CACNA1E: variants seen among roughly 807,000 people sequenced by gnomAD.
The protein encoded by CACNA1E is calcium voltage-gated channel subunit alpha1 E, also known as voltage-dependent R-type calcium channel subunit alpha-1E.
In CACNA1E, 40 loss-of-function variants were observed where a neutral mutation model predicts 259.2. The observed-to-expected ratio is 0.15, with a 90% CI of 0.12 to 0.20. The LOEUF (loss-of-function observed/expected upper bound fraction) is 0.20, where lower values mean the gene tolerates loss of function less well. Ranked by LOEUF, CACNA1E falls within the 10% of genes least tolerant of loss-of-function variation. The pLI, the probability that CACNA1E is intolerant of heterozygous loss-of-function variation, is 1.00. For missense variants in CACNA1E, 1,874 were observed against 3,040.1 expected (o/e 0.62, Z 9.02); for synonymous variants, 1,104 against 1,138.5 (o/e 0.97, Z 0.61).
At chr1:181,699,612 T>C (rs1391038750) in intron 7 of CACNA1E, among the ~76,000 whole-genome samples, 1 of 152,036 alleles carries the variant, frequency 6.6e-6, no homozygotes, top group African/African-American at 2.4e-5. Context: ...ATGAAGGAAA[T>C]AGGGGGATTG....
intron 3 of CACNA1E, among the ~76,000 whole-genome samples, chr1:181,526,239 T>C (rs1667348214): frequency 6.6e-6 from 1 of 152,088 alleles, no homozygotes; most frequent in Admixed American, 6.6e-5. Flanking sequence ...TAATCACTAC[T>C]AGATGAGGAA....
At chr1:181,493,216 A>T (rs1215269904) in intron 1 of CACNA1E, among the ~76,000 whole-genome samples, 1 of 152,182 alleles carries the variant, frequency 6.6e-6, no homozygotes, top group Non-Finnish European at 1.5e-5. Flanking sequence ...AATTCCCACA[A>T]TTTGGGATGT....
At chr1:181,646,351 G>A (rs1194206265) in intron 6 of CACNA1E, among the ~76,000 whole-genome samples, 1 of 152,202 alleles carries the variant, frequency 6.6e-6, no homozygotes, top group Non-Finnish European at 1.5e-5. Context: ...CCACCAAACA[G>A]AACTGTCTCT....
chr1:181,627,739 A>G (rs1656329834), intron 6 of CACNA1E, among the ~76,000 whole-genome samples: 1 of 152,224 alleles, frequency 6.6e-6, no homozygotes, highest in East Asian at 1.9e-4. Context: ...TTGTGTCACT[A>G]ACATGCTTAT....
chr1:181,325,060 G>T (rs1650660794), intron 1 of CACNA1E, among the ~76,000 whole-genome samples: 1 of 152,122 alleles, frequency 6.6e-6, no homozygotes, highest in Non-Finnish European at 1.5e-5. Context: ...GGGGCTCTCA[G>T]TCCACTCTGC....
In CACNA1E at chr1:181,805,369, T is replaced by A. The variant is rs1165906554; in HGVS notation, c.*6535T>A. 1 of 152,242 alleles carries A rather than the reference T, an allele frequency of 6.6e-6. No individual in the cohort carries two copies. Among genetic ancestry groups the A allele is most frequent in the African/African-American group, 2.4e-5 (1 of 41,452 alleles). The allele number at this position is 152,242 out of a possible 1,614,324, so 9.4% of individuals were successfully genotyped here. A position where few individuals can be genotyped will look rare whatever the true frequency, so the allele number is the denominator to read the frequency against. ...TTAAAGCAAATCTGTTGAACATTTTTATAAGGGATGAGCAAGAAAAACACA... is the reference window on the plus strand; with the variant it reads ...TTAAAGCAAATCTGTTGAACATTTTAATAAGGGATGAGCAAGAAAAACACA... On this transcript the variant is annotated 3_prime_UTR_variant, in exon 48 of 48. Transcript: ENST00000367573.
intron 6 of CACNA1E, among the ~76,000 whole-genome samples, chr1:181,594,690 A>G (rs977763536): frequency 1.2e-4 from 19 of 152,186 alleles, no homozygotes; most frequent in African/African-American, 4.3e-4. Flanking sequence ...GAGCCACCGC[A>G]CCTGGCTGCA....
chr1:181,510,671 G>A (rs999901294), intron 2 of CACNA1E, 89 bp downstream of exon 2: 1 of 827,470 alleles, frequency 1.2e-6, no homozygotes, highest in African/African-American at 1.7e-5. Flanking sequence ...TTCCCTTCCT[G>A]CCTGTGAGTT....
At chr1:181,598,146 A>G (rs2103051796) in intron 6 of CACNA1E, among the ~76,000 whole-genome samples, 1 of 152,318 alleles carries the variant, frequency 6.6e-6, no homozygotes, top group East Asian at 1.9e-4. Context: ...ACGTGAGAGG[A>G]GATGGATGAA....
At position 181,733,579 on chromosome 1, in the gene CACNA1E, G is replaced by A; in HGVS notation, c.3091G>A (p.Glu1031Lys). The change falls in exon 21 of 48, where the codon GAG becomes AAG. Residue 1031 changes from glutamate to lysine, a missense_variant. By Grantham distance (56) the Glu-to-Lys change is moderately conservative. Coordinates refer to ENST00000367573, the MANE Select transcript of CACNA1E (RefSeq NM_001205293.3). Reference protein sequence around the residue: ...LTEQEPEGSSEQALLGNVQLD... With the variant: ...LTEQEPEGSSKQALLGNVQLD... ...GGAGCAGGAGCCAGAAGGCAGCAGT[G>A]AGCAGGCCCTGCTGGGGAATGTGCA... 1.9e-6 allele frequency: 3 copies of A among 1,613,090 alleles called. No homozygotes were observed. Among genetic ancestry groups the A allele is most frequent in the South Asian group, 1.1e-5 (1 of 90,828 alleles).
chr1:181,720,716 C>G lies in CACNA1E; in HGVS notation c.1884-67C>G, dbSNP rs186959141. 1.1e-5 allele frequency: 10 copies of G among 911,206 alleles called. No homozygotes were observed. The Admixed American group carries it at 1.8e-4, about 16-fold the overall frequency. The allele number at this position is 911,206 out of a possible 1,614,324, so 56.4% of individuals were successfully genotyped here. Reference sequence around the variant, plus strand: ...GAAAAGAAGTGATGAAAGCTGTGATCTTGGGGAATGGAAAACTTGGTATGT... The same window carrying G: ...GAAAAGAAGTGATGAAAGCTGTGATGTTGGGGAATGGAAAACTTGGTATGT... On this transcript the variant is annotated intron_variant, in intron 14 of 47. Coordinates refer to ENST00000367573, the MANE Select transcript of CACNA1E (RefSeq NM_001205293.3).
intron 6 of CACNA1E, among the ~76,000 whole-genome samples, chr1:181,590,566 A>T (rs965607734): frequency 1.3e-5 from 2 of 152,062 alleles, no homozygotes; most frequent in Non-Finnish European, 2.9e-5. Context: ...AGGACCTGGG[A>T]TATCTTCTGA....
chr1:181,664,481 A>G (rs1006395893), intron 7 of CACNA1E, among the ~76,000 whole-genome samples: 13 of 152,208 alleles, frequency 8.5e-5, no homozygotes, highest in African/African-American at 2.9e-4. Flanking sequence ...CTTTATTATT[A>G]GGAAGAAGTA....
intron 2 of CACNA1E, among the ~76,000 whole-genome samples, chr1:181,463,096 C>A (rs1047990220): frequency 8.5e-5 from 13 of 152,236 alleles, no homozygotes; most frequent in Non-Finnish European, 1.3e-4. Context: ...GGGGATAAGA[C>A]CCCCAGTGGA....
chr1:181,800,379 A>C lies in CACNA1E; in HGVS notation c.*1545A>C, dbSNP rs1662184530. The stretch of plus-strand genomic sequence containing the variant: ...TGACAGTCCCACCCTGTCATTCCTA[A>C]TAGCCCAAACGCAGAAGCACTGAGC... On this transcript the variant is annotated 3_prime_UTR_variant, in exon 48 of 48. Coordinates refer to ENST00000367573, the MANE Select transcript of CACNA1E (RefSeq NM_001205293.3). 1 of 152,640 alleles carries C rather than the reference A, an allele frequency of 6.6e-6. No individual in the cohort carries two copies. Among genetic ancestry groups the C allele is most frequent in the South Asian group, 2.1e-4 (1 of 4,832 alleles). The allele number at this position is 152,640 out of a possible 1,614,324, so 9.5% of individuals were successfully genotyped here.
intron 3 of CACNA1E, among the ~76,000 whole-genome samples, chr1:181,517,591 C>G (rs1406131933): frequency 6.6e-6 from 1 of 151,540 alleles, no homozygotes; most frequent in African/African-American, 2.4e-5. Flanking sequence ...GGAGAATGTG[C>G]AGAGCCAAGC....
At chr1:181,587,831 C>A (rs1652231540) in intron 6 of CACNA1E, among the ~76,000 whole-genome samples, 2 of 152,106 alleles carry the variant, frequency 1.3e-5, no homozygotes, top group East Asian at 3.9e-4. Flanking sequence ...TGCAGTGAGC[C>A]GAGATAGCGC....
chr1:181,352,203 G>T (rs773955216), intron 1 of CACNA1E, among the ~76,000 whole-genome samples: 24 of 152,184 alleles, frequency 1.6e-4, no homozygotes, highest in Non-Finnish European at 2.5e-4. Context: ...GGGATGAGAA[G>T]TTTGGGGTGG....
rs963141863 is a variant in CACNA1E, at chr1:181,781,431, C to T, written c.5272C>T (p.Arg1758Cys). Residue 1758 changes from arginine to cysteine, a missense_variant, in exon 39 of 48, where the codon CGC becomes TGC. By Grantham distance (180) the Arg-to-Cys change is radical (BLOSUM62 -3). This residue lies in a region of CACNA1E where 147 missense variants were observed against 337.1 expected (regional missense o/e 0.44). Transcript: ENST00000367573. Reference sequence around the variant, plus strand: ...CTCACCACCCTCCATGAGCAGTGGCCGCATCCATTACACTGAGATGTATGA... The same window carrying T: ...CTCACCACCCTCCATGAGCAGTGGCTGCATCCATTACACTGAGATGTATGA... ...WAEYDRAACG[R>C]IHYTEMYEML... 12 of 1,561,920 alleles carry T rather than the reference C, an allele frequency of 7.7e-6. No individual in the cohort carries two copies. The highest frequency in any genetic ancestry group is 4.1e-5 in the African/African-American group (3 of 73,834).
Sources: gnomAD v4.1 joint callset for allele counts (sites outside exome capture counted in the v4.1 genomes callset) on GRCh38, gnomAD v4.1.1 for gene constraint, gnomAD v4.1.1 regional missense constraint, MANE v1.5 for transcripts, NCBI Gene and HGNC (gene_info 2026-07-23, HGNC 2026-07-21) for gene names.